The following TCIRG1 variants were observed in gnomAD, a reference collection of about 807,000 sequenced individuals.
TCIRG1 encodes V-type proton ATPase 116 kDa subunit a 3.
A neutral mutation model predicts 95.5 loss-of-function variants in TCIRG1; 86 were observed. The ratio of observed to expected loss-of-function variants is 0.90; its 90% confidence interval spans 0.76 to 1.08. TCIRG1 has a LOEUF of 1.08. TCIRG1 is among the 50% of genes least tolerant of loss of function. The pLI, the probability that TCIRG1 is intolerant of heterozygous loss-of-function variation, is 0.00. For synonymous variants in TCIRG1, 499 were observed against 501.3 expected (o/e 1.00, Z 0.06); for missense variants, 1,069 against 1,140.2 (o/e 0.94, Z 0.90).
chr11:68,051,685 T>C (rs1327630594), downstream of TCIRG1, among the ~76,000 whole-genome samples: 1 of 152,158 alleles, frequency 6.6e-6, no homozygotes, highest in Non-Finnish European at 1.5e-5. Context: ...TCTAAGGTAA[T>C]TCCACATGCC....
chr11:68,047,975 G>A lies in TCIRG1; in HGVS notation c.1554+3G>A. Reference sequence around the variant, plus strand: ...CCTACCCCTTTGGCATCGATCCTGTGAGTCCTGGGATGGAGTGTCCGTGGG... The same window carrying A: ...CCTACCCCTTTGGCATCGATCCTGTAAGTCCTGGGATGGAGTGTCCGTGGG... On this transcript the variant is annotated splice_donor_region_variant and intron_variant, in intron 13 of 19. Coordinates refer to ENST00000265686, the MANE Select transcript of TCIRG1 (RefSeq NM_006019.4). 6.2e-7 allele frequency: 1 copy of A among 1,613,354 alleles called. No individual in the cohort carries two copies. Among genetic ancestry groups the A allele is most frequent in the Non-Finnish European group, 8.5e-7 (1 of 1,179,656 alleles).
Position 68,047,262 on chromosome 11 carries a change from C to G in TCIRG1, c.1166-171C>G, listed in dbSNP as rs903663392. On this transcript the variant is annotated intron_variant, in intron 10 of 19. Transcript: ENST00000265686. ...CTGACCTCGGGTGATGCCCCCCCCCCCCCCCGTCTCGGCCTCCCAGAGTGC... is the reference window on the plus strand; with the variant it reads ...CTGACCTCGGGTGATGCCCCCCCCCGCCCCCGTCTCGGCCTCCCAGAGTGC... Among the ~76,000 whole-genome samples, 37 of 109,600 alleles carry G rather than the reference C, an allele frequency of 3.4e-4. 4 individuals carry two copies. Among genetic ancestry groups the G allele is most frequent in the South Asian group, 1.6e-3 (5 of 3,078 alleles). 71.9% of individuals were successfully genotyped at this position (109,600 alleles called of 152,430 possible).
chr11:68,050,469 T>G lies in TCIRG1; in HGVS notation c.2237-18T>G. 1.2e-6 allele frequency: 2 copies of G among 1,612,406 alleles called. No individual in the cohort carries two copies. The highest frequency in any genetic ancestry group is 1.7e-6 in the Non-Finnish European group (2 of 1,179,960). ...GCACCCACTTGCCGTTGGCCCCCAC[T>G]GTCTCCTTTGCTTGCAGAGCTGTCC... On this transcript the variant is annotated intron_variant, in intron 18 of 19. Coordinates refer to ENST00000265686, the MANE Select transcript of TCIRG1 (RefSeq NM_006019.4).
chr11:68,042,684 C>A lies in TCIRG1; in HGVS notation c.238C>A (p.Pro80Thr), dbSNP rs1266896439. 1.3e-6 allele frequency: 2 copies of A among 1,546,224 alleles called. No homozygotes were observed. Among genetic ancestry groups the A allele is most frequent in the Non-Finnish European group, 8.7e-7 (1 of 1,145,868 alleles). The stretch of plus-strand genomic sequence containing the variant: ...GGTGCGGCGGGCTGGGCTGGTCCTG[C>A]CCCCGCCAAAGGGGAGGCTGCCGGC... Reference protein sequence around the residue: ...EEVRRAGLVLPPPKGRLPAPP... With the variant: ...EEVRRAGLVLTPPKGRLPAPP... The change falls in exon 4 of 20, where the codon CCC (proline) becomes ACC (threonine). Residue 80 changes from proline to threonine, a missense_variant. By Grantham distance (38) the Pro-to-Thr change is conservative. Transcript: ENST00000265686.
In TCIRG1 at chr11:68,049,653, TC is replaced by T. The variant is rs1855692336; in HGVS notation, c.1888-7del. 1 of 1,599,694 alleles carries T rather than the reference TC, an allele frequency of 6.3e-7. No individual in the cohort carries two copies. On this transcript the variant is annotated splice_polypyrimidine_tract_variant and intron_variant, in intron 15 of 19. Coordinates refer to ENST00000265686, the MANE Select transcript of TCIRG1 (RefSeq NM_006019.4). ...CAGGGACGCCCTGACTCTCGCCCTCTCCCTGGCAGGAGGTGGTCCAGGCCAC... is the reference window on the plus strand; with the variant it reads ...CAGGGACGCCCTGACTCTCGCCCTCTCCTGGCAGGAGGTGGTCCAGGCCAC...
chr11:68,041,188 A>G lies in TCIRG1; in HGVS notation c.-4-80A>G, dbSNP rs1047700357. The G allele has an allele frequency of 9.7e-6, 9 of 923,534 alleles. No individual in the cohort carries two copies. In the African/African-American group the frequency reaches 1.5e-4, roughly 15 times the overall value. 57.2% of individuals were successfully genotyped at this position (923,534 alleles called of 1,614,324 possible). A position where few individuals can be genotyped will look rare whatever the true frequency, so the allele number is the denominator to read the frequency against. On this transcript the variant is annotated intron_variant, in intron 1 of 19. Transcript: ENST00000265686. ...TAACAGCAGCTTCCAGGATTCAGTGAGTGAAGGTGCACAGGTGCCCGTGGT... is the reference window on the plus strand; with the variant it reads ...TAACAGCAGCTTCCAGGATTCAGTGGGTGAAGGTGCACAGGTGCCCGTGGT...
At position 68,048,316 on chromosome 11, in the gene TCIRG1, TAG is replaced by T. The variant is rs1164501729; in HGVS notation, c.1554+347_1554+348del. 30 of 382,510 alleles carry T rather than the reference TAG, an allele frequency of 7.8e-5. No homozygotes were observed. The Middle Eastern group carries it at 2.5e-3, about 32-fold the overall frequency. 23.7% of individuals were successfully genotyped at this position (382,510 alleles called of 1,614,324 possible). A position where few individuals can be genotyped will look rare whatever the true frequency, so the allele number is the denominator to read the frequency against. On this transcript the variant is annotated intron_variant, in intron 13 of 19. Transcript: ENST00000265686. ...TTTTTCTTTTTTTTATTTTTGGATA[TAG>T]AGTCTCATTCTGTTGCCCAGGCTGG...
At chr11:68,045,267 G>GT (rs967482340) in intron 10 of TCIRG1, among the ~76,000 whole-genome samples, 165 bp downstream of exon 10, 39 of 152,392 alleles carry the variant, frequency 2.6e-4, no homozygotes, top group African/African-American at 9.4e-4. Flanking sequence ...TCTGCAGCCA[G>GT]TGTGAGGCTT....
intron 3 of TCIRG1, among the ~76,000 whole-genome samples, chr11:68,042,153 T>C (rs1358738216): frequency 6.7e-6 from 1 of 149,534 alleles, no homozygotes; most frequent in African/African-American, 2.4e-5. Context: ...CAGACAGCTT[T>C]CTCCTCTACA....
At chr11:68,048,326 T>C (rs958136543) in intron 13 of TCIRG1, 3 of 368,286 alleles carry the variant, frequency 8.1e-6, no homozygotes, top group African/African-American at 2.1e-5. Context: ...TAGAGTCTCA[T>C]TCTGTTGCCC....
downstream of TCIRG1, chr11:68,053,092 G>A (rs1215033717): frequency 1.3e-5 from 2 of 152,492 alleles, no homozygotes; most frequent in Non-Finnish European, 2.9e-5. Context: ...AAAGGTAAGG[G>A]CCGGGAAACC....
In TCIRG1 at chr11:68,050,162, A is replaced by C. The variant is rs1855725127; in HGVS notation, c.2144A>C (p.His715Pro). The change falls in exon 18 of 20, where the codon CAC (histidine) becomes CCC (proline). Residue 715 changes from histidine to proline, a missense_variant. Physicochemically the swap from His to Pro is moderately conservative, Grantham distance 77. Coordinates refer to ENST00000265686, the MANE Select transcript of TCIRG1 (RefSeq NM_006019.4). ...CTCGTCCCCTCCGAGGTGCTCATGCACCAGGCCATCCACACCATCGAGTTC... is the reference window on the plus strand; with the variant it reads ...CTCGTCCCCTCCGAGGTGCTCATGCCCCAGGCCATCCACACCATCGAGTTC... ...AELVPSEVLM[H>P]QAIHTIEFCL... The C allele has an allele frequency of 1.2e-6, 2 of 1,613,248 alleles. No individual in the cohort carries two copies. The highest frequency in any genetic ancestry group is 1.7e-6 in the Non-Finnish European group (2 of 1,179,886).
chr11:68,045,190 C>A, intron 10 of TCIRG1, 88 bp downstream of exon 10: 1 of 1,535,806 alleles, frequency 6.5e-7, no homozygotes. Flanking sequence ...GTATCTCCAT[C>A]CTGGGCCTGG....
chr11:68,050,450 A>C (rs1855745924), intron 18 of TCIRG1, 37 bp from the exon 19 acceptor site: 2 of 1,611,640 alleles, frequency 1.2e-6, no homozygotes, highest in South Asian at 1.1e-5. Context: ...GCAGGCACCC[A>C]CTTGCCGTTG....
Position 68,042,496 on chromosome 11 carries a change from C to A in TCIRG1, c.197-147C>A, listed in dbSNP as rs1030910417. 5 of 677,212 alleles carry A rather than the reference C, an allele frequency of 7.4e-6. No individual in the cohort carries two copies. In the Admixed American group the frequency reaches 9.5e-5, roughly 13 times the overall value. The allele number at this position is 677,212 out of a possible 1,614,324, so 42.0% of individuals were successfully genotyped here. The stretch of plus-strand genomic sequence containing the variant: ...GAGCTCAGGGAGGGGAGCACAGCTT[C>A]TGGATGAAAGTTTGGCCGGGATTTT... On this transcript the variant is annotated intron_variant, in intron 3 of 19. Coordinates refer to ENST00000265686, the MANE Select transcript of TCIRG1 (RefSeq NM_006019.4).
intron 1 of TCIRG1, among the ~76,000 whole-genome samples, chr11:68,040,764 C>G (rs1855120849): frequency 6.6e-6 from 1 of 152,220 alleles, no homozygotes; most frequent in Non-Finnish European, 1.5e-5. Flanking sequence ...GGGGACAGCC[C>G]CCCCACAGCA....
At chr11:68,040,741 G>A (rs987106674) in intron 1 of TCIRG1, among the ~76,000 whole-genome samples, 18 of 152,204 alleles carry the variant, frequency 1.2e-4, no homozygotes, top group Non-Finnish European at 1.8e-4. Flanking sequence ...GCTGCCGGGC[G>A]GCCCGGGCCT....
intron 2 of TCIRG1, 75 bp downstream of exon 2, chr11:68,041,463 G>C: frequency 1.8e-6 from 2 of 1,097,392 alleles, no homozygotes; most frequent in Admixed American, 1.8e-5. Flanking sequence ...GATGGGGACT[G>C]CCCCCCCTCC....
rs749679691 is a variant in TCIRG1, at chr11:68,043,011, G to A, written c.483G>A (p.Pro161=). 64 of 1,550,814 alleles carry A rather than the reference G, an allele frequency of 4.1e-5. No homozygotes were observed. The South Asian group carries it at 4.2e-4, about 10-fold the overall frequency. ...RTPLLQAPGG[P]HQDLRVNFVA... Reference sequence around the variant, plus strand: ...CCCTGCTCCAGGCCCCCGGGGGGCCGCACCAGGACCTGAGGGTCAAGTGAG... The same window carrying A: ...CCCTGCTCCAGGCCCCCGGGGGGCCACACCAGGACCTGAGGGTCAAGTGAG... The change falls in exon 5 of 20, where the codon CCG becomes CCA. Residue 161 remains proline, a synonymous_variant. Coordinates refer to ENST00000265686, the MANE Select transcript of TCIRG1 (RefSeq NM_006019.4).
Sources: allele counts gnomAD v4.1 joint callset (sites outside exome capture counted in the v4.1 genomes callset), GRCh38; gene constraint gnomAD v4.1.1; transcripts MANE v1.5; gene names NCBI Gene and HGNC (gene_info 2026-07-23, HGNC 2026-07-21).